The following ANKS1B variants were observed in gnomAD, a reference collection of about 807,000 sequenced individuals.
The protein encoded by ANKS1B is ankyrin repeat and sterile alpha motif domain containing 1B.
A neutral mutation model predicts 148.3 loss-of-function variants in ANKS1B; 36 were observed. The observed-to-expected ratio is 0.24, with a 90% CI of 0.19 to 0.32. ANKS1B has a LOEUF of 0.32. ANKS1B is among the 10% of genes least tolerant of loss of function. ANKS1B has a pLI of 1.00. For synonymous variants in ANKS1B, 542 were observed against 560.8 expected (o/e 0.97, Z 0.47); for missense variants, 1,157 against 1,542.6 (o/e 0.75, Z 4.19).
intron 12 of ANKS1B, among the ~76,000 whole-genome samples, chr12:99,350,214 C>T (rs781686526): frequency 2.6e-5 from 4 of 151,982 alleles, no homozygotes; most frequent in Non-Finnish European, 4.4e-5. Context: ...GATGTGCCTG[C>T]GTCCCCTTCA....
chr12:99,575,050 A>G (rs147408452), intron 9 of ANKS1B, among the ~76,000 whole-genome samples: 192 of 152,232 alleles, frequency 1.3e-3, no homozygotes, highest in East Asian at 9.3e-3. Flanking sequence ...ACTAAAACTA[A>G]TAAGTGATTA....
chr12:99,082,152 A>C (rs1452595332), intron 16 of ANKS1B, among the ~76,000 whole-genome samples: 1 of 152,200 alleles, frequency 6.6e-6, no homozygotes, highest in Non-Finnish European at 1.5e-5. Context: ...AAAGAGAATA[A>C]GACAGTCAAG....
At position 99,746,806 on chromosome 12, in the gene ANKS1B, A is replaced by AT. The variant is rs567614729; in HGVS notation, c.1128+26115dup. Among the ~76,000 whole-genome samples, 7 of 152,154 alleles carry AT rather than the reference A, an allele frequency of 4.6e-5. No individual in the cohort carries two copies. The East Asian group carries it at 1.2e-3, about 25-fold the overall frequency. On this transcript the variant is annotated intron_variant, in intron 8 of 26. Coordinates refer to ENST00000683438, the MANE Select transcript of ANKS1B (RefSeq NM_001352186.2). ...TCCAGCCTGCATCTGAGACAGGTGT[A>AT]TTTTTTTCTAACTTCAAGTTGTATA...
chr12:99,635,657 T>C (rs544400369), intron 9 of ANKS1B, among the ~76,000 whole-genome samples: 62 of 152,182 alleles, frequency 4.1e-4, no homozygotes, highest in African/African-American at 1.3e-3. Flanking sequence ...ATTTCCATAA[T>C]AAAAAAACTT....
intron 17 of ANKS1B, among the ~76,000 whole-genome samples, chr12:98,926,729 G>A (rs568010229): frequency 1.3e-5 from 2 of 152,206 alleles, no homozygotes; most frequent in South Asian, 4.1e-4. Flanking sequence ...GAATTGTGGA[G>A]CTGAGCAGTG....
At chr12:99,541,374 C>T (rs1281125866) in intron 9 of ANKS1B, among the ~76,000 whole-genome samples, 4 of 152,162 alleles carry the variant, frequency 2.6e-5, no homozygotes, top group Admixed American at 6.5e-5. Context: ...GACACAACAA[C>T]CTTCCACAAA....
chr12:99,482,166 T>C (rs1356814236), intron 10 of ANKS1B, among the ~76,000 whole-genome samples: 1 of 151,976 alleles, frequency 6.6e-6, no homozygotes, highest in East Asian at 1.9e-4. Flanking sequence ...TTTCATGTCA[T>C]ATATTTAAGT....
chr12:98,870,922 G>C (rs1233949782), intron 17 of ANKS1B, among the ~76,000 whole-genome samples: 2 of 152,204 alleles, frequency 1.3e-5, no homozygotes, highest in African/African-American at 4.8e-5. Flanking sequence ...ATTCTGTGCA[G>C]GCTTGTGTCA....
chr12:98,834,242 C>T (rs1295697250), intron 17 of ANKS1B, among the ~76,000 whole-genome samples: 2 of 152,190 alleles, frequency 1.3e-5, no homozygotes, highest in African/African-American at 2.4e-5. Context: ...TTTCAGTTGA[C>T]ATCCTCAGGA....
intron 16 of ANKS1B, among the ~76,000 whole-genome samples, chr12:99,061,531 G>T (rs151299725): frequency 3.8e-4 from 58 of 152,308 alleles, no homozygotes; most frequent in African/African-American, 1.3e-3. Flanking sequence ...TAGTGCTTTG[G>T]AGGATGACAG....
At chr12:99,552,134 T>A (rs888537475) in intron 9 of ANKS1B, among the ~76,000 whole-genome samples, 5 of 151,810 alleles carry the variant, frequency 3.3e-5, no homozygotes, top group African/African-American at 7.3e-5. Context: ...CAGTTTTTTT[T>A]ATCTTTCCTT....
chr12:99,313,060 A>G (rs1012679873), intron 12 of ANKS1B, among the ~76,000 whole-genome samples: 1 of 152,172 alleles, frequency 6.6e-6, no homozygotes, highest in Non-Finnish European at 1.5e-5. Context: ...AGAAGAATCA[A>G]ATAGACACAA....
At chr12:98,780,087 G>A (rs915103608) in intron 24 of ANKS1B, among the ~76,000 whole-genome samples, 5 of 152,310 alleles carry the variant, frequency 3.3e-5, no homozygotes, top group Admixed American at 6.5e-5. Flanking sequence ...AAGAGTCACT[G>A]CCCGTGAGAC....
At chr12:99,215,230 C>G (rs1224183340) in intron 14 of ANKS1B, among the ~76,000 whole-genome samples, 2 of 152,172 alleles carry the variant, frequency 1.3e-5, no homozygotes, top group Non-Finnish European at 2.9e-5. Context: ...TTGGGAACCT[C>G]CTTCTAAATT....
intron 8 of ANKS1B, among the ~76,000 whole-genome samples, chr12:99,753,047 T>TA (rs1489584578): frequency 3.3e-5 from 5 of 152,240 alleles, no homozygotes; most frequent in Non-Finnish European, 7.4e-5. Flanking sequence ...ATAAAGATTA[T>TA]AAATTCAGTT....
At chr12:99,144,690 G>A (rs1484347167) in intron 15 of ANKS1B, among the ~76,000 whole-genome samples, 3 of 151,986 alleles carry the variant, frequency 2.0e-5, no homozygotes, top group African/African-American at 4.8e-5. Context: ...ATAGTAGGAT[G>A]TGGCCTTATT....
chr12:99,510,964 T>A (rs544882261), intron 9 of ANKS1B, among the ~76,000 whole-genome samples: 24 of 152,142 alleles, frequency 1.6e-4, no homozygotes, highest in African/African-American at 5.3e-4. Flanking sequence ...TCATGTGATC[T>A]GCAAACAAAT....
At chr12:99,377,351 T>A (rs1193689452) in intron 12 of ANKS1B, among the ~76,000 whole-genome samples, 1 of 152,112 alleles carries the variant, frequency 6.6e-6, no homozygotes, top group Non-Finnish European at 1.5e-5. Context: ...AGCATATCAT[T>A]CTTGAACAAA....
chr12:99,205,018 G>A (rs1256459749), intron 14 of ANKS1B, among the ~76,000 whole-genome samples: 1 of 152,118 alleles, frequency 6.6e-6, no homozygotes, highest in Non-Finnish European at 1.5e-5. Flanking sequence ...TAAAGATAAT[G>A]TATAGGAGGC....
Sources: allele counts gnomAD v4.1 joint callset (sites outside exome capture counted in the v4.1 genomes callset), GRCh38; gene constraint gnomAD v4.1.1; transcripts MANE v1.5; gene names NCBI Gene and HGNC (gene_info 2026-07-23, HGNC 2026-07-21).